ZMAT4: variants seen among roughly 807,000 people sequenced by gnomAD.
The protein encoded by ZMAT4 is zinc finger matrin-type 4, also known as zinc finger matrin-type protein 4.
A neutral mutation model predicts 28.7 loss-of-function variants in ZMAT4; 17 were observed. The observed-to-expected ratio is 0.59, with a 90% CI of 0.41 to 0.89. ZMAT4 has a LOEUF of 0.89. Among genes scored for constraint, ZMAT4 ranks in the 40% least tolerant of loss-of-function variants. The pLI, the probability that ZMAT4 is intolerant of heterozygous loss-of-function variation, is 0.00. For synonymous variants in ZMAT4, 117 were observed against 109.2 expected (o/e 1.07, Z -0.44); for missense variants, 240 against 283.8 (o/e 0.85, Z 1.11).
intron 3 of ZMAT4, among the ~76,000 whole-genome samples, chr8:40,746,285 CTTT>C (rs1467007466): frequency 1.6e-5 from 2 of 128,360 alleles, no homozygotes; most frequent in African/African-American, 5.8e-5. Flanking sequence ...TTCTTTCTTT[CTTT>C]TCTTTCTTTC....
At chr8:40,723,063 C>T (rs963852437) in intron 3 of ZMAT4, among the ~76,000 whole-genome samples, 2 of 152,166 alleles carry the variant, frequency 1.3e-5, no homozygotes, top group Non-Finnish European at 2.9e-5. Context: ...CTTCTCAATG[C>T]AGCAACAGAG....
At chr8:40,648,354 C>T (rs978982472) in intron 5 of ZMAT4, among the ~76,000 whole-genome samples, 1 of 147,534 alleles carries the variant, frequency 6.8e-6, no homozygotes, top group African/African-American at 2.5e-5. Flanking sequence ...TGAAATGAAG[C>T]GAGAAGGGAA....
chr8:40,603,266 C>T (rs1332077156), intron 5 of ZMAT4, among the ~76,000 whole-genome samples: 1 of 152,182 alleles, frequency 6.6e-6, no homozygotes, highest in Non-Finnish European at 1.5e-5. Flanking sequence ...GTTCTCTATT[C>T]TGTTCCATTG....
At chr8:40,548,714 A>G (rs988706689) in intron 6 of ZMAT4, among the ~76,000 whole-genome samples, 2 of 152,098 alleles carry the variant, frequency 1.3e-5, no homozygotes, top group African/African-American at 4.8e-5. Flanking sequence ...ATGCAGTAAT[A>G]GAGTCTTAAA....
intron 1 of ZMAT4, among the ~76,000 whole-genome samples, chr8:40,880,221 T>C (rs1818173471): frequency 6.6e-6 from 1 of 151,980 alleles, no homozygotes; most frequent in Non-Finnish European, 1.5e-5. Context: ...TACAAAAAAT[T>C]AGCCGAGCGT....
At chr8:40,811,380 G>A (rs1157965537) in intron 2 of ZMAT4, among the ~76,000 whole-genome samples, 2 of 152,160 alleles carry the variant, frequency 1.3e-5, no homozygotes, top group African/African-American at 4.8e-5. Context: ...ACAATTAAAG[G>A]CATCCTCCGG....
chr8:40,551,325 C>T (rs1803363336), intron 6 of ZMAT4, among the ~76,000 whole-genome samples: 1 of 152,136 alleles, frequency 6.6e-6, no homozygotes, highest in Admixed American at 6.5e-5. Context: ...AAAATATTTT[C>T]TTTCCTTGAA....
chr8:40,582,138 T>C, intron 5 of ZMAT4, among the ~76,000 whole-genome samples: 1 of 152,144 alleles, frequency 6.6e-6, no homozygotes, highest in Non-Finnish European at 1.5e-5. Flanking sequence ...CTGGAGGAAG[T>C]CATGAAATTT....
intron 3 of ZMAT4, among the ~76,000 whole-genome samples, chr8:40,733,279 T>G (rs879630616): frequency 5.3e-5 from 8 of 152,262 alleles, no homozygotes; most frequent in Admixed American, 1.3e-4. Flanking sequence ...TGGTCTTTCA[T>G]TAAGTTTGTC....
At chr8:40,773,604 G>C (rs1320819897) in intron 2 of ZMAT4, among the ~76,000 whole-genome samples, 1 of 152,116 alleles carries the variant, frequency 6.6e-6, no homozygotes, top group African/African-American at 2.4e-5. Flanking sequence ...ACAATAAGTA[G>C]AAGTTTTAAA....
intron 6 of ZMAT4, among the ~76,000 whole-genome samples, chr8:40,536,213 G>C (rs755106187): frequency 6.6e-6 from 1 of 152,158 alleles, no homozygotes; most frequent in Non-Finnish European, 1.5e-5. Context: ...CAAAAGTGCA[G>C]CGTTTTCCCT....
intron 6 of ZMAT4, among the ~76,000 whole-genome samples, chr8:40,555,354 T>C: frequency 6.6e-6 from 1 of 152,206 alleles, no homozygotes; most frequent in Admixed American, 6.5e-5. Context: ...TTCTAGATCA[T>C]ATGGTAGTTC....
intron 5 of ZMAT4, among the ~76,000 whole-genome samples, chr8:40,669,705 A>C (rs888284378): frequency 3.3e-5 from 5 of 152,202 alleles, no homozygotes; most frequent in Non-Finnish European, 5.9e-5. Context: ...GTTATTGGTA[A>C]GGCTTCCAGT....
intron 3 of ZMAT4, among the ~76,000 whole-genome samples, chr8:40,725,303 C>A (rs4535727): frequency 0.27 from 41,587 of 152,028 alleles, 6,563 homozygotes; most frequent in East Asian, 0.56. Context: ...CCTCCATTCC[C>A]CAAAAGGCAG....
At chr8:40,711,122 T>C (rs1224454641) in intron 3 of ZMAT4, among the ~76,000 whole-genome samples, 1 of 152,144 alleles carries the variant, frequency 6.6e-6, no homozygotes, top group African/African-American at 2.4e-5. Context: ...GAATTCATAG[T>C]AATATTTCCT....
At chr8:40,588,178 T>G (rs1244053134) in intron 5 of ZMAT4, among the ~76,000 whole-genome samples, 1 of 151,914 alleles carries the variant, frequency 6.6e-6, no homozygotes, top group East Asian at 1.9e-4. Context: ...AAACAAGAAA[T>G]ATCTTCTAGA....
chr8:40,674,078 A>G (rs554546167), intron 5 of ZMAT4, among the ~76,000 whole-genome samples: 6 of 116,516 alleles, frequency 5.1e-5, no homozygotes, highest in African/African-American at 1.8e-4. Flanking sequence ...CCTTTTTATC[A>G]TCTTTTTTTT....
At chr8:40,546,654 T>C (rs764022379) in intron 6 of ZMAT4, among the ~76,000 whole-genome samples, 1 of 152,144 alleles carries the variant, frequency 6.6e-6, no homozygotes. Flanking sequence ...AAAGTGCCAG[T>C]TCCTGAGGCA....
chr8:40,777,752 T>A (rs1209650469), intron 2 of ZMAT4, among the ~76,000 whole-genome samples: 1 of 152,194 alleles, frequency 6.6e-6, no homozygotes, highest in Admixed American at 6.5e-5. Context: ...CTTATGTGAA[T>A]GACAAGGCAG....
Sources: allele counts gnomAD v4.1 joint callset (sites outside exome capture counted in the v4.1 genomes callset), GRCh38; gene constraint gnomAD v4.1.1; transcripts MANE v1.5; gene names NCBI Gene and HGNC (gene_info 2026-07-23, HGNC 2026-07-21).